The following PLCG2 variants were observed in gnomAD, a reference collection of about 807,000 sequenced individuals.
PLCG2 encodes the protein phospholipase C gamma 2, also known as 1-phosphatidylinositol 4,5-bisphosphate phosphodiesterase gamma-2.
PLCG2 carries 69 observed loss-of-function variants against 175.6 expected under a neutral mutation model. That is an observed-to-expected ratio of 0.39 (90% CI 0.32 to 0.48). The LOEUF is 0.48. PLCG2 is among the 20% of genes least tolerant of loss of function. PLCG2 has a pLI of 0.91. For missense variants in PLCG2, 1,798 were observed against 1,650.9 expected (o/e 1.09, Z -1.54); for synonymous variants, 827 against 624.0 (o/e 1.33, Z -4.85).
chr16:81,877,628 G>A (rs898873685), intron 7 of PLCG2, among the ~76,000 whole-genome samples: 6 of 152,166 alleles, frequency 3.9e-5, no homozygotes, highest in Admixed American at 1.3e-4. Context: ...AGCATTCCTC[G>A]GAGTGTGGAC....
At chr16:81,925,700 C>T (rs1910236148) in intron 22 of PLCG2, among the ~76,000 whole-genome samples, 1 of 152,044 alleles carries the variant, frequency 6.6e-6, no homozygotes. Flanking sequence ...CCAGCCTGGC[C>T]AACCTGGTAA....
intron 1 of PLCG2, among the ~76,000 whole-genome samples, chr16:81,752,069 A>G (rs947022406): frequency 1.3e-5 from 2 of 151,876 alleles, no homozygotes; most frequent in East Asian, 3.9e-4. Flanking sequence ...AATATATATA[A>G]AAGAGCTAGG....
chr16:81,921,287 C>T lies in PLCG2; in HGVS notation c.2307+18C>T, dbSNP rs777106065. 1 of 1,548,628 alleles carries T rather than the reference C, an allele frequency of 6.5e-7. No homozygotes were observed. Among genetic ancestry groups the T allele is most frequent in the Non-Finnish European group, 8.9e-7 (1 of 1,120,228 alleles). ...CGTCCATGGTACGGTGCCGAACCTCCAATTCACATGATTTTGGAGTCACGA... is the reference window on the plus strand; with the variant it reads ...CGTCCATGGTACGGTGCCGAACCTCTAATTCACATGATTTTGGAGTCACGA... On this transcript the variant is annotated intron_variant, in intron 21 of 32. Coordinates refer to ENST00000564138, the MANE Select transcript of PLCG2 (RefSeq NM_002661.5).
intron 2 of PLCG2, among the ~76,000 whole-genome samples, chr16:81,827,781 C>G (rs1371779919): frequency 6.6e-6 from 1 of 151,974 alleles, no homozygotes; most frequent in Non-Finnish European, 1.5e-5. Flanking sequence ...ACTGTGAAAT[C>G]TCCTCATTTA....
chr16:81,742,835 C>T (rs903127269), intron 1 of PLCG2, among the ~76,000 whole-genome samples: 9 of 152,340 alleles, frequency 5.9e-5, no homozygotes, highest in Middle Eastern at 3.4e-3. Flanking sequence ...CAGGGCCCCT[C>T]GTCCTCCCAG....
chr16:81,880,074 C>T (rs1217356049), intron 7 of PLCG2, among the ~76,000 whole-genome samples: 1 of 152,138 alleles, frequency 6.6e-6, no homozygotes, highest in Non-Finnish European at 1.5e-5. Context: ...ACCTGCATCT[C>T]TACAAAAAGA....
Position 81,936,265 on chromosome 16 carries a change from A to G in PLCG2, c.2939A>G (p.Lys980Arg). 2 of 1,614,156 alleles carry G rather than the reference A, an allele frequency of 1.2e-6. 1 individual carries two copies. Among genetic ancestry groups the G allele is most frequent in the South Asian group, 2.2e-5 (2 of 91,084 alleles). Residue 980 changes from lysine (K) to arginine (R), a missense_variant, in exon 27 of 33, where the codon AAG becomes AGG. Physicochemically the swap from Lys to Arg is conservative, Grantham distance 26. Transcript: ENST00000564138. Reference protein sequence around the residue: ...KPVDLLKYNQKGLTRVYPKGQ... With the variant: ...KPVDLLKYNQRGLTRVYPKGQ... ...GTCGACCTCCTGAAGTACAATCAAA[A>G]GGGCCTGACCCGCGTCTACCCAAAG...
Position 81,927,009 on chromosome 16 carries a change from G to A in PLCG2, c.2418-73G>A, listed in dbSNP as rs1010798804. ...CCCATCAGAATTGAGCCAGCAGCCG[G>A]GTGCAGATGAGCAGTAGTGGGTAAT... On this transcript the variant is annotated intron_variant, in intron 22 of 32. Coordinates refer to ENST00000564138, the MANE Select transcript of PLCG2 (RefSeq NM_002661.5). 2.6e-5 allele frequency: 24 copies of A among 921,922 alleles called. No homozygotes were observed. The Admixed American group carries it at 4.2e-4, about 16-fold the overall frequency. 57.1% of individuals were successfully genotyped at this position (921,922 alleles called of 1,614,324 possible). A position where few individuals can be genotyped will look rare whatever the true frequency, so the allele number is the denominator to read the frequency against.
At chr16:81,909,097 A>G (rs1028478652) in intron 17 of PLCG2, among the ~76,000 whole-genome samples, 6 of 152,238 alleles carry the variant, frequency 3.9e-5, no homozygotes, top group Non-Finnish European at 8.8e-5. Context: ...ATTAAAAGAT[A>G]CTTCTTGAGG....
At chr16:81,783,257 G>C (rs1910822316) in intron 1 of PLCG2, 1 of 321,136 alleles carries the variant, frequency 3.1e-6, no homozygotes, top group Admixed American at 4.0e-5. Flanking sequence ...AGAGCTCTGT[G>C]GTTGGCAGCT....
chr16:81,817,668 T>C (rs985622482), intron 2 of PLCG2, among the ~76,000 whole-genome samples: 2 of 152,190 alleles, frequency 1.3e-5, no homozygotes, highest in African/African-American at 4.8e-5. Flanking sequence ...AAATTTCAAG[T>C]AGAGATAGGG....
At position 81,870,757 on chromosome 16, in the gene PLCG2, G is replaced by A. The variant is rs1394644377; in HGVS notation, c.565-95G>A. On this transcript the variant is annotated intron_variant, in intron 6 of 32. Transcript: ENST00000564138. ...CTTCAGCATGCCAATAAAATAGCAT[G>A]CCATTTCTGAAACAAAAATTATTCT... 8 of 606,700 alleles carry A rather than the reference G, an allele frequency of 1.3e-5. No individual in the cohort carries two copies. The East Asian group carries it at 1.8e-4, about 13-fold the overall frequency. The allele number at this position is 606,700 out of a possible 1,614,324, so 37.6% of individuals were successfully genotyped here.
At chr16:81,763,405 G>T (rs961300877) in intron 2 of PLCG2, among the ~76,000 whole-genome samples, 10 of 152,240 alleles carry the variant, frequency 6.6e-5, no homozygotes, top group African/African-American at 1.7e-4. Context: ...TCTCTGCAAG[G>T]TCTCTTGTCC....
intron 1 of PLCG2, among the ~76,000 whole-genome samples, chr16:81,780,124 C>G (rs1046907515): frequency 2.0e-5 from 3 of 152,018 alleles, no homozygotes; most frequent in African/African-American, 7.2e-5. Context: ...GTACCCTAAT[C>G]TTGAACTAGG....
chr16:81,862,782 G>A (rs955136070), intron 5 of PLCG2, among the ~76,000 whole-genome samples: 4 of 151,952 alleles, frequency 2.6e-5, no homozygotes, highest in Non-Finnish European at 4.4e-5. Context: ...GAGGTGGGAG[G>A]ATCATCTGAG....
intron 2 of PLCG2, among the ~76,000 whole-genome samples, chr16:81,760,131 A>T (rs1185210989): frequency 6.6e-6 from 1 of 152,164 alleles, no homozygotes; most frequent in Non-Finnish European, 1.5e-5. Flanking sequence ...AATTCATTCT[A>T]GTGTTAGGAA....
intron 14 of PLCG2, among the ~76,000 whole-genome samples, chr16:81,901,613 A>G (rs564032689): frequency 6.6e-6 from 1 of 152,380 alleles, no homozygotes; most frequent in African/African-American, 2.4e-5. Context: ...TTATTTGTTT[A>G]ACCTGTACAT....
chr16:81,891,894 T>TG (rs1370302191), intron 11 of PLCG2, among the ~76,000 whole-genome samples: 1 of 152,206 alleles, frequency 6.6e-6, no homozygotes, highest in East Asian at 1.9e-4. Context: ...TTTCACGATT[T>TG]GGGCATCTCA....
At chr16:81,794,772 A>G (rs1273996327) in intron 2 of PLCG2, among the ~76,000 whole-genome samples, 1 of 152,248 alleles carries the variant, frequency 6.6e-6, no homozygotes, top group Non-Finnish European at 1.5e-5. Context: ...ATCATCCAGC[A>G]TAAAGGCAAG....
Sources: gnomAD v4.1 joint callset for allele counts (sites outside exome capture counted in the v4.1 genomes callset) on GRCh38, gnomAD v4.1.1 for gene constraint, MANE v1.5 for transcripts, NCBI Gene and HGNC (gene_info 2026-07-23, HGNC 2026-07-21) for gene names.